The following CTNNA3 variants were observed in gnomAD, a reference collection of about 807,000 sequenced individuals.
The protein encoded by CTNNA3 is catenin alpha-3.
A neutral mutation model predicts 95.7 loss-of-function variants in CTNNA3; 76 were observed. The ratio of observed to expected loss-of-function variants is 0.79; its 90% CI spans 0.66 to 0.96. CTNNA3 has a LOEUF of 0.96. CTNNA3 is among the 40% of genes least tolerant of loss of function. The pLI is 0.00. For missense variants in CTNNA3, 1,191 were observed against 1,089.8 expected (o/e 1.09, Z -1.31); for synonymous variants, 431 against 374.4 (o/e 1.15, Z -1.74).
chr10:66,922,887 C>T (rs1475930241), intron 7 of CTNNA3, among the ~76,000 whole-genome samples: 1 of 151,986 alleles, frequency 6.6e-6, no homozygotes, highest in Admixed American at 6.6e-5. Flanking sequence ...TATAGGCATG[C>T]AATGTGTAAT....
At position 66,124,577 on chromosome 10, in the gene CTNNA3, T is replaced by G. The variant is rs553606496; in HGVS notation, c.1885-21328A>C. 8.5e-5 allele frequency among the ~76,000 whole-genome samples: 13 copies of G among 152,328 alleles called. No homozygotes were observed. The South Asian group carries it at 2.5e-3, about 29-fold the overall frequency. ...TACTGGTACCAATTTACTGTATTAG[T>G]CTGTTTTCACACTGCTGATGAAGAA... On this transcript the variant is annotated intron_variant, in intron 13 of 17. Transcript: ENST00000433211.
intron 12 of CTNNA3, among the ~76,000 whole-genome samples, chr10:66,347,076 C>T (rs1390736958): frequency 2.6e-5 from 4 of 151,942 alleles, no homozygotes; most frequent in Admixed American, 1.3e-4. Context: ...TAGTATTTCT[C>T]TTTCTTTGTC....
chr10:67,015,069 T>C (rs374460508), intron 7 of CTNNA3, among the ~76,000 whole-genome samples: 22 of 152,218 alleles, frequency 1.4e-4, no homozygotes, highest in African/African-American at 5.3e-4. Flanking sequence ...GGAAAAACTT[T>C]AGGAGGTTAG....
intron 12 of CTNNA3, among the ~76,000 whole-genome samples, chr10:66,358,613 C>T (rs918895714): frequency 6.6e-6 from 1 of 152,174 alleles, no homozygotes; most frequent in African/African-American, 2.4e-5. Flanking sequence ...GGAAAATCTA[C>T]TCACCTTTCT....
rs375705300 is a variant in CTNNA3 at position 67,510,606 on chromosome 10, A to G, written c.579+11236T>C. Among the ~76,000 whole-genome samples, 70 of 152,168 alleles carry G rather than the reference A, an allele frequency of 4.6e-4. No individual in the cohort carries two copies. In the South Asian group the frequency reaches 8.3e-3, roughly 18 times the overall value. On this transcript the variant is annotated intron_variant, in intron 5 of 17. Coordinates refer to ENST00000433211, the MANE Select transcript of CTNNA3 (RefSeq NM_013266.4). ...CTTTTGGTTACTGCAGCCTTGTAGT[A>G]TAGTTTGAAGTCAGGTAGCATGATG... is the stretch of plus-strand genomic sequence containing the variant.
chr10:67,427,801 G>A (rs948259071), intron 5 of CTNNA3, among the ~76,000 whole-genome samples: 1 of 152,018 alleles, frequency 6.6e-6, no homozygotes, highest in South Asian at 2.1e-4. Flanking sequence ...CCTCACCAGA[G>A]TTCAGTATGC....
chr10:67,231,671 C>T (rs1419236122), intron 5 of CTNNA3, among the ~76,000 whole-genome samples: 10 of 147,998 alleles, frequency 6.8e-5, no homozygotes, highest in East Asian at 2.9e-4. Flanking sequence ...CAAAGCTGGA[C>T]GGAGAATGAG....
chr10:67,718,422 C>T (rs1418356408), intron 1 of CTNNA3, among the ~76,000 whole-genome samples: 1 of 152,150 alleles, frequency 6.6e-6, no homozygotes, highest in Admixed American at 6.5e-5. Context: ...AGCTTTTGCC[C>T]ATTCAGAATG....
At chr10:66,583,168 G>A (rs1564548346) in intron 10 of CTNNA3, among the ~76,000 whole-genome samples, 1 of 151,702 alleles carries the variant, frequency 6.6e-6, no homozygotes, top group Non-Finnish European at 1.5e-5. Context: ...GTATTAGGGA[G>A]GATTCTCTTC....
chr10:67,599,116 T>A (rs994030763), intron 3 of CTNNA3, among the ~76,000 whole-genome samples: 2 of 152,164 alleles, frequency 1.3e-5, no homozygotes, highest in African/African-American at 4.8e-5. Flanking sequence ...TAAAAGACTA[T>A]GTCCCAGGAC....
chr10:66,693,934 C>A (rs1847658074), intron 9 of CTNNA3, among the ~76,000 whole-genome samples: 2 of 151,970 alleles, frequency 1.3e-5, no homozygotes, highest in South Asian at 4.2e-4. Context: ...ACACAACATA[C>A]CAGAATCTCT....
chr10:66,955,301 G>T (rs758024768), intron 7 of CTNNA3, among the ~76,000 whole-genome samples: 56 of 152,144 alleles, frequency 3.7e-4, no homozygotes, highest in African/African-American at 1.3e-3. Flanking sequence ...TGGTATCATT[G>T]TATCATGACT....
intron 7 of CTNNA3, among the ~76,000 whole-genome samples, chr10:66,873,294 T>C (rs1405237719): frequency 1.3e-5 from 2 of 152,202 alleles, no homozygotes; most frequent in African/African-American, 4.8e-5. Flanking sequence ...GCTGAACTAA[T>C]TTATATTGCC....
intron 7 of CTNNA3, among the ~76,000 whole-genome samples, chr10:67,045,098 T>C (rs543189794): frequency 6.6e-6 from 1 of 152,292 alleles, no homozygotes; most frequent in African/African-American, 2.4e-5. Context: ...TATTAAAGAC[T>C]ACCAGATACG....
intron 5 of CTNNA3, among the ~76,000 whole-genome samples, chr10:67,418,212 T>C (rs967343161): frequency 6.6e-6 from 1 of 152,184 alleles, no homozygotes; most frequent in Non-Finnish European, 1.5e-5. Flanking sequence ...ATAAATATCA[T>C]ATGGAAAAGT....
At position 66,614,562 on chromosome 10, in the gene CTNNA3, C is replaced by T. The variant is rs529279615; in HGVS notation, c.1374+7130G>A. On this transcript the variant is annotated intron_variant, in intron 10 of 17. Coordinates refer to ENST00000433211, the MANE Select transcript of CTNNA3 (RefSeq NM_013266.4). ...AATCTTGACTTTCTTCCCTACTTAT[C>T]AACACACTCAATATATATCTCTTTT... Among the ~76,000 whole-genome samples, 3 of 152,086 alleles carry T rather than the reference C, an allele frequency of 2.0e-5. No homozygotes were observed. The South Asian group carries it at 6.2e-4, about 32-fold the overall frequency.
intron 5 of CTNNA3, among the ~76,000 whole-genome samples, chr10:67,312,496 C>A (rs1840853846): frequency 6.6e-6 from 1 of 152,140 alleles, no homozygotes; most frequent in Non-Finnish European, 1.5e-5. Context: ...GAAAATTCTA[C>A]ACAGAGGGAG....
chr10:66,140,368 T>C (rs940499670), intron 13 of CTNNA3, among the ~76,000 whole-genome samples: 1 of 152,202 alleles, frequency 6.6e-6, no homozygotes, highest in Non-Finnish European at 1.5e-5. Flanking sequence ...TATAGTGAAC[T>C]CTGAGGAAGG....
intron 13 of CTNNA3, among the ~76,000 whole-genome samples, chr10:66,278,924 A>C (rs976655657): frequency 6.6e-6 from 1 of 152,018 alleles, no homozygotes; most frequent in Admixed American, 6.6e-5. Context: ...GTAAGGCCTA[A>C]AAATTTTGCA....
Sources: allele counts gnomAD v4.1 joint callset (sites outside exome capture counted in the v4.1 genomes callset), GRCh38; gene constraint gnomAD v4.1.1; transcripts MANE v1.5; gene names NCBI Gene and HGNC (gene_info 2026-07-23, HGNC 2026-07-21).